Variants in NEGR1 observed in about 807,000 individuals in gnomAD.
NEGR1 encodes IgLON family member 4.
NEGR1 carries 10 observed loss-of-function variants against 40.9 expected under a neutral mutation model. The observed-to-expected ratio is 0.24, with a 90% CI of 0.15 to 0.42. NEGR1 has a LOEUF of 0.42. Ranked by LOEUF, NEGR1 falls within the 10% of genes least tolerant of loss-of-function variation. The pLI is 1.00. For synonymous variants in NEGR1, 185 were observed against 166.8 expected, an observed-to-expected ratio of 1.11 and a Z score of -0.84; for missense variants, 352 against 438.9, an observed-to-expected ratio of 0.80 and a Z score of 1.77.
At chr1:72,241,074 G>C (rs1329963826) in intron 1 of NEGR1, among the ~76,000 whole-genome samples, 1 of 151,686 alleles carries the variant, frequency 6.6e-6, no homozygotes, top group African/African-American at 2.4e-5. Context: ...TTACAAAAGT[G>C]GTTTAACTTG....
rs1652236038 is a variant in NEGR1, at chr1:72,177,930, C to G, written c.176+104389G>C. 2.0e-5 allele frequency among the ~76,000 whole-genome samples: 3 copies of G among 152,126 alleles called. No homozygotes were observed. The South Asian group carries it at 6.2e-4, about 31-fold the overall frequency. On this transcript the variant is annotated intron_variant, in intron 1 of 6. Transcript: ENST00000357731. The stretch of plus-strand genomic sequence containing the variant: ...AGAATGACTCAGAGATGAAGCACAG[C>G]TGGCTGCTTTTTAGATCCTAAATAT...
At chr1:72,102,375 A>G (rs982883189) in intron 1 of NEGR1, among the ~76,000 whole-genome samples, 6 of 152,090 alleles carry the variant, frequency 3.9e-5, no homozygotes, top group African/African-American at 1.4e-4. Context: ...AAAATGCTAC[A>G]TTAAAAAAAG....
At chr1:71,914,068 C>G (rs145726973) in intron 2 of NEGR1, among the ~76,000 whole-genome samples, 5 of 152,158 alleles carry the variant, frequency 3.3e-5, no homozygotes, top group African/African-American at 1.2e-4. Flanking sequence ...TGAGATATTT[C>G]TGGTCCTTGA....
At chr1:71,415,156 A>G (rs1214955818) in intron 6 of NEGR1, among the ~76,000 whole-genome samples, 1 of 152,090 alleles carries the variant, frequency 6.6e-6, no homozygotes, top group African/African-American at 2.4e-5. Context: ...TAAAAAAACA[A>G]TGTCTATCTT....
At chr1:72,185,506 A>T (rs1652579502) in intron 1 of NEGR1, among the ~76,000 whole-genome samples, 2 of 151,884 alleles carry the variant, frequency 1.3e-5, no homozygotes, top group Non-Finnish European at 2.9e-5. Flanking sequence ...GCCTTTTCCC[A>T]GGAGAGCTGT....
intron 3 of NEGR1, among the ~76,000 whole-genome samples, chr1:71,740,222 G>A (rs979783057): frequency 7.0e-4 from 107 of 152,226 alleles, no homozygotes; most frequent in African/African-American, 2.4e-3. Context: ...TTTGTTCTAC[G>A]TCACAACCAT....
intron 2 of NEGR1, among the ~76,000 whole-genome samples, chr1:71,933,097 G>A (rs1161404703): frequency 1.3e-5 from 2 of 151,804 alleles, no homozygotes; most frequent in African/African-American, 4.8e-5. Flanking sequence ...TTTTCTAGAG[G>A]AATAAAATAT....
intron 2 of NEGR1, among the ~76,000 whole-genome samples, chr1:71,896,680 G>C (rs368652618): frequency 6.6e-6 from 1 of 152,076 alleles, no homozygotes; most frequent in African/African-American, 2.4e-5. Context: ...GTTGTAGCTC[G>C]TACCTTCAGA....
At chr1:71,846,120 T>C (rs1412672887) in intron 2 of NEGR1, among the ~76,000 whole-genome samples, 1 of 152,036 alleles carries the variant, frequency 6.6e-6, no homozygotes, top group Non-Finnish European at 1.5e-5. Flanking sequence ...TTCTCTCTCC[T>C]GCCAACCTGG....
rs139817745 is a variant in NEGR1, at chr1:71,762,739, T to C, written c.535+13433A>G. Among the ~76,000 whole-genome samples, 30 of 152,250 alleles carry C rather than the reference T, an allele frequency of 2.0e-4. No individual in the cohort carries two copies. The East Asian group carries it at 5.4e-3, about 27-fold the overall frequency. ...TACATAACCTTTGTACACTTACATGTAAGTGTACACTCAAAGGACATTCTA... is the reference window on the plus strand; with the variant it reads ...TACATAACCTTTGTACACTTACATGCAAGTGTACACTCAAAGGACATTCTA... On this transcript the variant is annotated intron_variant, in intron 3 of 6. Transcript: ENST00000357731.
chr1:71,556,157 C>A (rs190521932), intron 6 of NEGR1, among the ~76,000 whole-genome samples: 41 of 151,600 alleles, frequency 2.7e-4, no homozygotes, highest in African/African-American at 9.4e-4. Context: ...TCTGAGTACT[C>A]AGATTCATCA....
chr1:71,894,768 C>T (rs1158746813), intron 2 of NEGR1, among the ~76,000 whole-genome samples: 5 of 152,108 alleles, frequency 3.3e-5, no homozygotes, highest in Admixed American at 6.5e-5. Context: ...GAGCTGGGCA[C>T]GTGGTGGCTC....
intron 5 of NEGR1, among the ~76,000 whole-genome samples, chr1:71,595,143 C>T (rs568187758): frequency 9.2e-5 from 14 of 152,288 alleles, no homozygotes; most frequent in Admixed American, 4.6e-4. Context: ...AATCATGTAG[C>T]GCATCCATAC....
At chr1:71,590,934 G>A (rs1212484719) in intron 6 of NEGR1, among the ~76,000 whole-genome samples, 2 of 152,008 alleles carry the variant, frequency 1.3e-5, no homozygotes, top group African/African-American at 4.8e-5. Context: ...TGCTGTGCTT[G>A]GTGATATGGG....
chr1:72,052,202 T>A (rs887292757), intron 1 of NEGR1, among the ~76,000 whole-genome samples: 9 of 151,548 alleles, frequency 5.9e-5, no homozygotes, highest in African/African-American at 2.2e-4. Context: ...AGAAAGTGCT[T>A]CGTCAGGGTT....
At chr1:71,682,210 T>G (rs1013663083) in intron 4 of NEGR1, among the ~76,000 whole-genome samples, 3 of 152,176 alleles carry the variant, frequency 2.0e-5, no homozygotes, top group African/African-American at 7.2e-5. Flanking sequence ...TTCTTTTTTT[T>G]TTCAGTTGTA....
intron 2 of NEGR1, among the ~76,000 whole-genome samples, chr1:71,925,564 TC>T (rs2101886990): frequency 6.6e-6 from 1 of 152,302 alleles, no homozygotes; most frequent in East Asian, 1.9e-4. Flanking sequence ...CTACTACAGA[TC>T]ATAGAGTAAA....
intron 4 of NEGR1, among the ~76,000 whole-genome samples, chr1:71,652,699 C>G (rs1285473468): frequency 6.6e-6 from 1 of 152,076 alleles, no homozygotes; most frequent in African/African-American, 2.4e-5. Context: ...AACTCAGCCT[C>G]TACCAAAATT....
At chr1:72,245,800 C>T (rs940832868) in intron 1 of NEGR1, among the ~76,000 whole-genome samples, 5 of 151,756 alleles carry the variant, frequency 3.3e-5, no homozygotes, top group African/African-American at 9.7e-5. Flanking sequence ...TCCATTAATC[C>T]AAAACCAACT....
Sources: allele counts gnomAD v4.1 joint callset (sites outside exome capture counted in the v4.1 genomes callset), GRCh38; gene constraint gnomAD v4.1.1; transcripts MANE v1.5; gene names NCBI Gene and HGNC (gene_info 2026-07-23, HGNC 2026-07-21).